SPOCK1: variants seen among roughly 807,000 people sequenced by gnomAD.
SPOCK1 encodes testican-1.
SPOCK1 carries 23 observed loss-of-function variants against 55.3 expected under a neutral mutation model. That is an observed-to-expected ratio of 0.42 (90% CI 0.30 to 0.59). The LOEUF (loss-of-function observed/expected upper bound fraction) is 0.59. Among genes scored for constraint, SPOCK1 ranks in the 20% least tolerant of loss-of-function variants. The pLI is 0.22. For missense variants in SPOCK1, 499 were observed against 552.5 expected, an observed-to-expected ratio of 0.90 and a Z score of 0.97; for synonymous variants, 226 against 221.0, an observed-to-expected ratio of 1.02 and a Z score of -0.20.
intron 3 of SPOCK1, among the ~76,000 whole-genome samples, chr5:137,190,097 T>C (rs1490930776): frequency 6.6e-6 from 1 of 152,056 alleles, no homozygotes; most frequent in Non-Finnish European, 1.5e-5. Flanking sequence ...TGGAATCTAC[T>C]GCTGGTGAAG....
At chr5:137,034,912 C>T (rs1362503617) in intron 6 of SPOCK1, among the ~76,000 whole-genome samples, 2 of 152,170 alleles carry the variant, frequency 1.3e-5, no homozygotes, top group African/African-American at 4.8e-5. Context: ...CACAAAAGGG[C>T]ACATGCGGGC....
chr5:137,470,931 T>G (rs1169668487), intron 2 of SPOCK1, among the ~76,000 whole-genome samples: 2 of 152,206 alleles, frequency 1.3e-5, no homozygotes, highest in African/African-American at 4.8e-5. Flanking sequence ...ACATGGTTAG[T>G]GTCCAGGGCC....
chr5:137,263,642 C>T (rs899987483), intron 3 of SPOCK1, among the ~76,000 whole-genome samples: 4 of 152,186 alleles, frequency 2.6e-5, no homozygotes, highest in African/African-American at 9.6e-5. Flanking sequence ...ACTTCACAAG[C>T]GAAATTTCTC....
intron 2 of SPOCK1, among the ~76,000 whole-genome samples, chr5:137,309,662 G>T (rs747737437): frequency 6.6e-6 from 1 of 152,100 alleles, no homozygotes. Context: ...ACTCAAAAAT[G>T]AGCCCAAATC....
chr5:137,398,612 T>C (rs17522677), intron 2 of SPOCK1, among the ~76,000 whole-genome samples: 9,453 of 152,174 alleles, frequency 0.062, 342 homozygotes, highest in Non-Finnish European at 0.076. Context: ...TGAGAGTAAA[T>C]AAAGCAGGAG....
chr5:137,097,670 A>T (rs1753179407), intron 5 of SPOCK1, among the ~76,000 whole-genome samples: 1 of 152,228 alleles, frequency 6.6e-6, no homozygotes, highest in Non-Finnish European at 1.5e-5. Context: ...GGAGCCTCAC[A>T]GTCTATGTAA....
chr5:137,238,912 A>T (rs1756233183), intron 3 of SPOCK1, among the ~76,000 whole-genome samples: 1 of 152,226 alleles, frequency 6.6e-6, no homozygotes, highest in East Asian at 1.9e-4. Flanking sequence ...TTTGGTCTTC[A>T]TTCCTGATTT....
At chr5:137,198,217 C>A (rs1208034259) in intron 3 of SPOCK1, among the ~76,000 whole-genome samples, 1 of 152,214 alleles carries the variant, frequency 6.6e-6, no homozygotes. Context: ...AGTTCACCAA[C>A]AAATGTTTCA....
chr5:137,355,022 C>T (rs1225658780), intron 2 of SPOCK1, among the ~76,000 whole-genome samples: 1 of 152,084 alleles, frequency 6.6e-6, no homozygotes. Context: ...CGTGCCTCAG[C>T]CTCCTGAGTA....
intron 2 of SPOCK1, among the ~76,000 whole-genome samples, chr5:137,480,770 G>A (rs116104720): frequency 1.4e-3 from 208 of 152,250 alleles, no homozygotes; most frequent in African/African-American, 4.8e-3. Flanking sequence ...TAAGAAGCCA[G>A]GGGAAAGTGG....
chr5:137,005,888 G>A (rs1015092246), intron 6 of SPOCK1, among the ~76,000 whole-genome samples: 1 of 152,192 alleles, frequency 6.6e-6, no homozygotes, highest in African/African-American at 2.4e-5. Flanking sequence ...GAATTTACAT[G>A]TTTAAAAGGC....
chr5:137,111,362 C>G lies in SPOCK1; in HGVS notation c.474+1073G>C, dbSNP rs139176258. Reference sequence around the variant, plus strand: ...TCCACTCTGCAAGTTAAACCTTACACAGAAAAACAGGAAGACAGATGAAAA... The same window carrying G: ...TCCACTCTGCAAGTTAAACCTTACAGAGAAAAACAGGAAGACAGATGAAAA... On this transcript the variant is annotated intron_variant, in intron 5 of 10. Coordinates refer to ENST00000394945, the MANE Select transcript of SPOCK1 (RefSeq NM_004598.4). Among the ~76,000 whole-genome samples, 49 of 152,276 alleles carry G rather than the reference C, an allele frequency of 3.2e-4. 1 individual carries two copies. The highest frequency in any genetic ancestry group is 6.8e-4 in the Non-Finnish European group (46 of 68,008).
intron 3 of SPOCK1, among the ~76,000 whole-genome samples, chr5:137,224,714 A>G (rs1418484448): frequency 2.0e-5 from 3 of 152,192 alleles, no homozygotes; most frequent in Non-Finnish European, 4.4e-5. Context: ...TCCCAGTTAA[A>G]TAAAATTGTT....
At chr5:137,342,164 G>T (rs1170661313) in intron 2 of SPOCK1, among the ~76,000 whole-genome samples, 2 of 152,208 alleles carry the variant, frequency 1.3e-5, no homozygotes, top group Admixed American at 6.5e-5. Flanking sequence ...CTCCGCGGAG[G>T]ATAGTGTCTG....
At chr5:137,179,727 C>T (rs1016397401) in intron 3 of SPOCK1, among the ~76,000 whole-genome samples, 4 of 152,146 alleles carry the variant, frequency 2.6e-5, no homozygotes, top group Admixed American at 6.5e-5. Context: ...CTCCAAGCCC[C>T]ACCTAATGAC....
At chr5:137,402,839 G>A (rs183407043) in intron 2 of SPOCK1, among the ~76,000 whole-genome samples, 37 of 152,308 alleles carry the variant, frequency 2.4e-4, no homozygotes, top group Admixed American at 1.2e-3. Context: ...CAGATGAGAG[G>A]CACAAATAAT....
At chr5:137,438,163 G>A (rs1207686244) in intron 2 of SPOCK1, among the ~76,000 whole-genome samples, 1 of 151,996 alleles carries the variant, frequency 6.6e-6, no homozygotes, top group African/African-American at 2.4e-5. Context: ...AGGTAAGGGG[G>A]CAGTGAGGGA....
intron 2 of SPOCK1, among the ~76,000 whole-genome samples, chr5:137,436,276 T>C (rs1752863320): frequency 6.6e-6 from 1 of 152,206 alleles, no homozygotes; most frequent in Non-Finnish European, 1.5e-5. Flanking sequence ...TACTTTTCAT[T>C]TTTTATTATT....
chr5:137,391,116 T>G (rs1751713522), intron 2 of SPOCK1, among the ~76,000 whole-genome samples: 1 of 152,142 alleles, frequency 6.6e-6, no homozygotes, highest in Non-Finnish European at 1.5e-5. Flanking sequence ...CGTTTCTCAT[T>G]GTTCTATTCC....
Sources: gnomAD v4.1 joint callset for allele counts (sites outside exome capture counted in the v4.1 genomes callset) on GRCh38, gnomAD v4.1.1 for gene constraint, MANE v1.5 for transcripts, NCBI Gene and HGNC (gene_info 2026-07-23, HGNC 2026-07-21) for gene names.